The following GLG1 variants were observed in gnomAD, a reference collection of about 807,000 sequenced individuals.
GLG1 encodes Golgi apparatus protein 1.
In GLG1, 38 loss-of-function variants were observed where a neutral mutation model predicts 160.5. The observed-to-expected ratio is 0.24, with a 90% CI of 0.18 to 0.31. The LOEUF (loss-of-function observed/expected upper bound fraction) is 0.31. Ranked by LOEUF, GLG1 falls within the 10% of genes least tolerant of loss-of-function variation. GLG1 has a pLI of 1.00. For missense variants in GLG1, 1,373 were observed against 1,505.2 expected (o/e 0.91, Z 1.45); for synonymous variants, 644 against 543.4 (o/e 1.19, Z -2.57).
Position 74,474,574 on chromosome 16 carries a change from A to G in GLG1, c.2024T>C (p.Val675Ala). The G allele has an allele frequency of 1.9e-6, 3 of 1,574,808 alleles. No homozygotes were observed. The highest frequency in any genetic ancestry group is 2.6e-6 in the Non-Finnish European group (3 of 1,144,096). Reference sequence around the variant, plus strand: ...TGATTCTAACTCAGTGAGGTTGCCAACTATATCTCTACACTCCACCACCAA... The same window carrying G: ...TGATTCTAACTCAGTGAGGTTGCCAGCTATATCTCTACACTCCACCACCAA... ...DDLVVECRDI[V>A]GNLTELESED... The change falls in exon 13 of 26, where the codon GTT becomes GCT. Residue 675 changes from valine to alanine, a missense_variant. Physicochemically the swap from Val to Ala is moderately conservative, Grantham distance 64. This residue lies in a region of GLG1 where 386 missense variants were observed against 388.5 expected (regional missense o/e 0.99). Transcript: ENST00000422840.
At chr16:74,460,240 C>T (rs1372479913) in intron 22 of GLG1, among the ~76,000 whole-genome samples, 3 of 152,108 alleles carry the variant, frequency 2.0e-5, no homozygotes, top group African/African-American at 7.2e-5. Flanking sequence ...AGGCTGGTCT[C>T]GAACTTCTGA....
At chr16:74,549,307 T>A (rs1462818683) in intron 1 of GLG1, among the ~76,000 whole-genome samples, 1 of 152,186 alleles carries the variant, frequency 6.6e-6, no homozygotes, top group Non-Finnish European at 1.5e-5. Flanking sequence ...TCCATCTTTT[T>A]TTTTGATATG....
intron 1 of GLG1, among the ~76,000 whole-genome samples, chr16:74,605,932 TATCA>T (rs2143934136): frequency 6.6e-6 from 1 of 152,244 alleles, no homozygotes; most frequent in East Asian, 1.9e-4. Flanking sequence ...GATTATAAAT[TATCA>T]ATGTCACTCA....
intron 25 of GLG1, among the ~76,000 whole-genome samples, chr16:74,455,317 C>T (rs543775140): frequency 1.3e-5 from 2 of 152,100 alleles, no homozygotes; most frequent in Non-Finnish European, 2.9e-5. Context: ...ATCACGTACA[C>T]AGAACAGAGT....
chr16:74,502,189 A>G (rs1297229299), intron 4 of GLG1, among the ~76,000 whole-genome samples: 1 of 152,218 alleles, frequency 6.6e-6, no homozygotes, highest in African/African-American at 2.4e-5. Flanking sequence ...AGCAACTAAT[A>G]GGTGATGCCA....
intron 1 of GLG1, among the ~76,000 whole-genome samples, chr16:74,569,121 CA>C (rs2018745540): frequency 6.6e-6 from 1 of 152,180 alleles, no homozygotes; most frequent in Non-Finnish European, 1.5e-5. Flanking sequence ...GCTGGCATCT[CA>C]AAAGGCTACA....
At chr16:74,464,650 A>G (rs1243206072) in intron 19 of GLG1, among the ~76,000 whole-genome samples, 1 of 152,110 alleles carries the variant, frequency 6.6e-6, no homozygotes, top group Non-Finnish European at 1.5e-5. Flanking sequence ...AAATTTTCCA[A>G]AGCTCTCTCA....
intron 2 of GLG1, among the ~76,000 whole-genome samples, chr16:74,530,389 G>A (rs2017495208): frequency 6.6e-6 from 1 of 152,110 alleles, no homozygotes; most frequent in Non-Finnish European, 1.5e-5. Context: ...AACTTCTTCT[G>A]CAGAGAGCCA....
chr16:74,546,837 C>CAAAAAAAAAAAAA lies in GLG1; in HGVS notation c.439-14697_439-14685dup, dbSNP rs71376218. Among the ~76,000 whole-genome samples the CAAAAAAAAAAAAA allele has an allele frequency of 2.5e-3, 148 of 59,668 alleles. 12 individuals are homozygous for CAAAAAAAAAAAAA. Among genetic ancestry groups the CAAAAAAAAAAAAA allele is most frequent in the African/African-American group, 5.6e-3 (73 of 13,134 alleles). The allele number at this position is 59,668 out of a possible 152,430, so 39.1% of individuals were successfully genotyped here. A position where few individuals can be genotyped will look rare whatever the true frequency, so the allele number is the denominator to read the frequency against. ...TGGGCGACAGAGTGAGACTCCATCT[C>CAAAAAAAAAAAAA]AAAAAAAAAAAAAAAAAAAGGATCC... On this transcript the variant is annotated intron_variant, in intron 1 of 25. Coordinates refer to ENST00000422840, the MANE Select transcript of GLG1 (RefSeq NM_001145667.2).
chr16:74,542,756 A>AG (rs1555514648), intron 1 of GLG1, among the ~76,000 whole-genome samples: 6 of 52,208 alleles, frequency 1.1e-4, no homozygotes, highest in African/African-American at 1.8e-4. Context: ...GAAGGAAGGA[A>AG]GGAAGGAAGG....
intron 1 of GLG1, among the ~76,000 whole-genome samples, chr16:74,575,926 C>T (rs8045959): frequency 7.2e-5 from 11 of 151,934 alleles, no homozygotes; most frequent in African/African-American, 1.9e-4. Flanking sequence ...ACTAGCCAGG[C>T]GCGGTGGTTC....
chr16:74,538,924 G>A (rs1431198796), intron 1 of GLG1, among the ~76,000 whole-genome samples: 1 of 151,630 alleles, frequency 6.6e-6, no homozygotes, highest in Non-Finnish European at 1.5e-5. Context: ...AAGTTTCATG[G>A]AGGGTACATT....
At chr16:74,534,953 T>A (rs1351420774) in intron 1 of GLG1, among the ~76,000 whole-genome samples, 2 of 152,154 alleles carry the variant, frequency 1.3e-5, no homozygotes, top group Admixed American at 1.3e-4. Flanking sequence ...TTTTAGGAGA[T>A]ACAATATGAG....
intron 1 of GLG1, among the ~76,000 whole-genome samples, chr16:74,546,499 T>G (rs2018049843): frequency 6.6e-6 from 1 of 152,020 alleles, no homozygotes; most frequent in South Asian, 2.1e-4. Flanking sequence ...CTTCTGAAAC[T>G]TTAGTGTAGG....
At chr16:74,484,735 C>CA (rs2015731680) in intron 9 of GLG1, among the ~76,000 whole-genome samples, 1 of 152,038 alleles carries the variant, frequency 6.6e-6, no homozygotes, top group Admixed American at 6.6e-5. Flanking sequence ...CACTGTACTC[C>CA]AGCCTGGGCT....
In GLG1 at chr16:74,491,001, C is replaced by G; in HGVS notation, c.1449G>C (p.Ala483=). ...KGNLGMNCQQ[A]LQTLIQETDP... ...AATGGCAATAGCAATGTCTCCTTAC[C>G]GCCTGCTGGCAGTTCATTCCAAGGT... Residue 483 remains alanine (A), a splice_region_variant and synonymous_variant, in exon 8 of 26, where the codon GCG becomes GCC. Coordinates refer to ENST00000422840, the MANE Select transcript of GLG1 (RefSeq NM_001145667.2). 6.2e-7 allele frequency: 1 copy of G among 1,609,046 alleles called. No individual in the cohort carries two copies. Among genetic ancestry groups the G allele is most frequent in the Non-Finnish European group, 8.5e-7 (1 of 1,175,458 alleles).
At position 74,467,658 on chromosome 16, in the gene GLG1, T is replaced by C. The variant is rs1004116919; in HGVS notation, c.2529+98A>G. 3.8e-6 allele frequency: 3 copies of C among 796,192 alleles called. No homozygotes were observed. The African/African-American group carries it at 5.1e-5, about 14-fold the overall frequency. 49.3% of individuals were successfully genotyped at this position (796,192 alleles called of 1,614,324 possible). ...TCCTGTCTCACCAGCAAAAAATTCA[T>C]GACTAAAATGTTACCTTATGGGCAC... On this transcript the variant is annotated intron_variant, in intron 18 of 25. Transcript: ENST00000422840.
chr16:74,463,450 G>C lies in GLG1; in HGVS notation c.2697C>G (p.Thr899=). 1 of 1,613,682 alleles carries C rather than the reference G, an allele frequency of 6.2e-7. No individual in the cohort carries two copies. Among genetic ancestry groups the C allele is most frequent in the Non-Finnish European group, 8.5e-7 (1 of 1,179,600 alleles). The change falls in exon 20 of 26, where the codon ACC becomes ACG. Residue 899 remains threonine (T), a synonymous_variant. Transcript: ENST00000422840. ...KRFCPEADSK[T]MLQCLKQNKN... ...TATTTTGCTTCAAGCACTGCAACATGGTTTTAGAATCTGCTTCCGGACAGA... is the reference window on the plus strand; with the variant it reads ...TATTTTGCTTCAAGCACTGCAACATCGTTTTAGAATCTGCTTCCGGACAGA...
At chr16:74,578,798 A>G (rs1216158987) in intron 1 of GLG1, among the ~76,000 whole-genome samples, 1 of 152,238 alleles carries the variant, frequency 6.6e-6, no homozygotes, top group Non-Finnish European at 1.5e-5. Context: ...CAATACAATT[A>G]ACATGCAGTA....
Sources: allele counts gnomAD v4.1 joint callset (sites outside exome capture counted in the v4.1 genomes callset), GRCh38; gene constraint gnomAD v4.1.1; regional missense constraint gnomAD v4.1.1; transcripts MANE v1.5; gene names NCBI Gene and HGNC (gene_info 2026-07-23, HGNC 2026-07-21).